Variants in LOXHD1 observed in about 807,000 individuals in gnomAD.
LOXHD1 encodes lipoxygenase homology domain-containing protein 1.
In LOXHD1, 205 loss-of-function variants were observed where a neutral mutation model predicts 248.2. The ratio of observed to expected loss-of-function variants is 0.83; its 90% CI spans 0.74 to 0.93. The LOEUF is 0.93. Among genes scored for constraint, LOXHD1 ranks in the 40% least tolerant of loss-of-function variants. The pLI, the probability that LOXHD1 is intolerant of heterozygous loss-of-function variation, is 0.00. For synonymous variants in LOXHD1, 1,113 were observed against 1,162.8 expected, an observed-to-expected ratio of 0.96 and a Z score of 0.87; for missense variants, 2,930 against 2,971.6, an observed-to-expected ratio of 0.99 and a Z score of 0.33.
At chr18:46,506,140 A>G in intron 36 of LOXHD1, 117 bp from the exon 37 acceptor site, 1 of 1,073,268 alleles carries the variant, frequency 9.3e-7, no homozygotes, top group Admixed American at 2.5e-5. Context: ...GACAGAGTAC[A>G]GACTCAAGAA....
chr18:46,598,758 C>G (rs1383590353), intron 8 of LOXHD1, among the ~76,000 whole-genome samples: 2 of 152,078 alleles, frequency 1.3e-5, no homozygotes, highest in Non-Finnish European at 2.9e-5. Flanking sequence ...CATGCAATTT[C>G]TTTATCACAA....
intron 16 of LOXHD1, among the ~76,000 whole-genome samples, chr18:46,567,252 T>G (rs1036589199): frequency 6.6e-6 from 1 of 152,246 alleles, no homozygotes; most frequent in Admixed American, 6.5e-5. Flanking sequence ...GCCCTGAGAT[T>G]CTCTCTGCAA....
intron 35 of LOXHD1, among the ~76,000 whole-genome samples, chr18:46,508,743 G>A (rs1314073768): frequency 6.6e-6 from 1 of 152,224 alleles, no homozygotes; most frequent in Non-Finnish European, 1.5e-5. Context: ...CATAGTCATT[G>A]CCTTTATGAG....
In LOXHD1 at chr18:46,518,017, G is replaced by C. The variant is rs188269968; in HGVS notation, c.5399+112C>G. 2.5e-3 allele frequency: 3,304 copies of C among 1,311,562 alleles called. 37 individuals carry two copies. Among genetic ancestry groups the C allele is most frequent in the Non-Finnish European group, 1.5e-3 (1,385 of 936,216 alleles). 81.2% of individuals were successfully genotyped at this position (1,311,562 alleles called of 1,614,324 possible). Reference sequence around the variant, plus strand: ...AATAGACAAAGGCAGAGGAAGGAAGGCCTCATGGTCTGCAGCGGGCATGTG... The same window carrying C: ...AATAGACAAAGGCAGAGGAAGGAAGCCCTCATGGTCTGCAGCGGGCATGTG... On this transcript the variant is annotated intron_variant, in intron 34 of 40. Transcript: ENST00000642948.
In LOXHD1 at chr18:46,552,676, C is replaced by A. The variant is rs530586432; in HGVS notation, c.3350+4680G>T. Among the ~76,000 whole-genome samples the A allele has an allele frequency of 2.8e-4, 43 of 152,312 alleles. No homozygotes were observed. The East Asian group carries it at 7.1e-3, about 25-fold the overall frequency. On this transcript the variant is annotated intron_variant, in intron 21 of 40. Transcript: ENST00000642948. ...TTTCGGTTCAGGCCAGCATCTCCCA[C>A]CAGTGCCTGACCCCAGCTGGCATTC...
chr18:46,553,818 C>T (rs545739165), intron 21 of LOXHD1, among the ~76,000 whole-genome samples: 1 of 152,314 alleles, frequency 6.6e-6, no homozygotes, highest in Admixed American at 6.5e-5. Flanking sequence ...GAGAAGGTGA[C>T]ATTTGAGCAG....
intron 8 of LOXHD1, among the ~76,000 whole-genome samples, chr18:46,598,702 AT>A: frequency 6.6e-6 from 1 of 152,298 alleles, no homozygotes; most frequent in South Asian, 2.1e-4. Flanking sequence ...GGTACCACTT[AT>A]AATAGTAACA....
chr18:46,512,608 G>A (rs1444658784), intron 34 of LOXHD1, among the ~76,000 whole-genome samples: 1 of 152,208 alleles, frequency 6.6e-6, no homozygotes, highest in Non-Finnish European at 1.5e-5. Context: ...CCTACTGGGT[G>A]GTTCCATGCT....
intron 22 of LOXHD1, 115 bp downstream of exon 22, chr18:46,546,780 C>G: frequency 4.9e-6 from 6 of 1,223,568 alleles, no homozygotes; most frequent in Non-Finnish European, 4.5e-6. Context: ...AATAGACTGT[C>G]AAGGGAGGAA....
chr18:46,548,242 C>T, intron 21 of LOXHD1, among the ~76,000 whole-genome samples: 1 of 103,756 alleles, frequency 9.6e-6, no homozygotes, highest in South Asian at 3.6e-4. Context: ...ATTCCACCCT[C>T]TTTATGTCCC....
chr18:46,522,239 G>T lies in LOXHD1; in HGVS notation c.4947C>A (p.Ile1649=). 6.4e-7 allele frequency: 1 copy of T among 1,551,936 alleles called. No homozygotes were observed. Among genetic ancestry groups the T allele is most frequent in the Non-Finnish European group, 8.7e-7 (1 of 1,147,066 alleles). ...KDAATDSRAF[I]FLIGEDDERS... is the part of the protein sequence containing the mutation. ...GTTCATCATCCTCCCCGATGAGAAA[G>T]ATGAAGGCTCGGCTGTCAGTGGCCG... Residue 1649 remains isoleucine, a synonymous_variant, in exon 32 of 41, where the codon ATC becomes ATA. Coordinates refer to ENST00000642948, the MANE Select transcript of LOXHD1 (RefSeq NM_001384474.1).
chr18:46,566,920 C>G, intron 16 of LOXHD1, among the ~76,000 whole-genome samples: 1 of 152,182 alleles, frequency 6.6e-6, no homozygotes, highest in Non-Finnish European at 1.5e-5. Flanking sequence ...CAGAATATCA[C>G]CCATCCTGAA....
Position 46,483,650 on chromosome 18 carries a change from G to T in LOXHD1, c.6278C>A (p.Pro2093His). Residue 2093 changes from proline (P) to histidine (H), a missense_variant, in exon 40 of 41, where the codon CCC becomes CAC. Coordinates refer to ENST00000642948, the MANE Select transcript of LOXHD1 (RefSeq NM_001384474.1). ...GACATGCCAGGCAAGTTCTCTCTTG[G>T]GGATAAACCGGTCTTCCCTGGCAAG... ...GHLAREDRFIPKRELAWHVKT... is the reference protein window; with the variant it reads ...GHLAREDRFIHKRELAWHVKT... The T allele has an allele frequency of 2.6e-6, 4 of 1,551,650 alleles. No homozygotes were observed. Among genetic ancestry groups the T allele is most frequent in the Non-Finnish European group, 3.5e-6 (4 of 1,146,978 alleles).
Position 46,519,818 on chromosome 18 carries a change from A to T in LOXHD1, c.5271+1279T>A, listed in dbSNP as rs145833877. Among the ~76,000 whole-genome samples the T allele has an allele frequency of 3.9e-3, 597 of 152,338 alleles. 3 individuals carry two copies. The highest frequency in any genetic ancestry group is 0.014 in the African/African-American group (581 of 41,566). ...TGTGCTTCCAAAAAGAGACAGAAAC[A>T]GTGCTCTTGTAATTCTAGTCTGATA... On this transcript the variant is annotated intron_variant, in intron 33 of 40. Transcript: ENST00000642948.
chr18:46,573,008 G>C lies in LOXHD1; in HGVS notation c.1971-846C>G, dbSNP rs2037784568. Reference sequence around the variant, plus strand: ...ACTGCACTCCAGCCTGGGCGACAGGGTGAGACTCCGTCTCAAAAAAAAAAA... The same window carrying C: ...ACTGCACTCCAGCCTGGGCGACAGGCTGAGACTCCGTCTCAAAAAAAAAAA... On this transcript the variant is annotated intron_variant, in intron 14 of 40. Transcript: ENST00000642948. 2.5e-5 allele frequency among the ~76,000 whole-genome samples: 3 copies of C among 121,496 alleles called. No individual in the cohort carries two copies. The South Asian group carries it at 9.0e-4, about 36-fold the overall frequency. The allele number at this position is 121,496 out of a possible 152,430, so 79.7% of individuals were successfully genotyped here.
At chr18:46,646,680 C>A (rs2039035125) in intron 2 of LOXHD1, among the ~76,000 whole-genome samples, 1 of 152,190 alleles carries the variant, frequency 6.6e-6, no homozygotes, top group Non-Finnish European at 1.5e-5. Context: ...CAGCCCGCAG[C>A]GCTCATTGCT....
intron 40 of LOXHD1, 50 bp downstream of exon 40, chr18:46,483,537 G>C (rs1435816981): frequency 1.3e-6 from 2 of 1,548,848 alleles, no homozygotes; most frequent in East Asian, 2.4e-5. Context: ...CTCAGTCCCT[G>C]CCCCATGCTG....
rs1568198350 is a variant in LOXHD1 at position 46,579,709 on chromosome 18, AGGCAGAGATAGACGTT to A, written c.1714_1729del (p.Asn572PhefsTer41). ...CCCCGTGTCCCCCACATCACCAAAAAGGCAGAGATAGACGTTGGCATCGGTCCCAGCACCTTCAAGT... is the reference window on the plus strand; with the variant it reads ...CCCCGTGTCCCCCACATCACCAAAAAGGCATCGGTCCCAGCACCTTCAAGT... On this transcript the variant is annotated frameshift_variant, in exon 13 of 41. Transcript: ENST00000642948. LOFTEE classifies it high-confidence loss of function. 6.4e-7 allele frequency: 1 copy of A among 1,551,778 alleles called. No individual in the cohort carries two copies. Among genetic ancestry groups the A allele is most frequent in the Non-Finnish European group, 8.7e-7 (1 of 1,147,006 alleles).
intron 6 of LOXHD1, among the ~76,000 whole-genome samples, chr18:46,609,094 C>T (rs186135831): frequency 6.6e-6 from 1 of 152,320 alleles, no homozygotes; most frequent in Non-Finnish European, 1.5e-5. Flanking sequence ...AGTCTTTATG[C>T]CCCTTGTCAA....
Sources: gnomAD v4.1 joint callset for allele counts (sites outside exome capture counted in the v4.1 genomes callset) on GRCh38, gnomAD v4.1.1 for gene constraint, MANE v1.5 for transcripts, NCBI Gene and HGNC (gene_info 2026-07-23, HGNC 2026-07-21) for gene names.